Variants in MCOLN2 observed in about 807,000 individuals in gnomAD.
The protein encoded by MCOLN2 is mucolipin-2.
In MCOLN2, 57 loss-of-function variants were observed where a neutral mutation model predicts 67.5. That is an observed-to-expected ratio of 0.84 (90% CI 0.68 to 1.05). The LOEUF (loss-of-function observed/expected upper bound fraction) is 1.05, where lower values mean the gene tolerates loss of function less well. MCOLN2 is among the 50% of genes least tolerant of loss of function. The pLI, the probability that MCOLN2 is intolerant of heterozygous loss-of-function variation, is 0.00. For missense variants in MCOLN2, 620 were observed against 678.8 expected, an observed-to-expected ratio of 0.91 and a Z score of 0.96; for synonymous variants, 246 against 233.3, an observed-to-expected ratio of 1.05 and a Z score of -0.50.
intron 4 of MCOLN2, among the ~76,000 whole-genome samples, chr1:84,955,290 C>A (rs1648725467): frequency 6.6e-6 from 1 of 152,208 alleles, no homozygotes; most frequent in East Asian, 1.9e-4. Context: ...TCTTTATTAG[C>A]AGCATGAGAA....
intron 1 of MCOLN2, among the ~76,000 whole-genome samples, chr1:84,972,865 A>C (rs1035496721): frequency 2.0e-5 from 3 of 152,194 alleles, no homozygotes; most frequent in African/African-American, 7.2e-5. Flanking sequence ...CCTTTGCCCC[A>C]GGAAAATGAA....
chr1:84,965,643 TA>T lies in MCOLN2; in HGVS notation c.142del (p.Tyr48ThrfsTer3). 2 of 1,614,032 alleles carry T rather than the reference TA, an allele frequency of 1.2e-6. No homozygotes were observed. Among genetic ancestry groups the T allele is most frequent in the Non-Finnish European group, 1.7e-6 (2 of 1,179,930 alleles). ...GTATTTTTCACAAGGGCTCATGAAG[TA>T]AAACTTCAGGTCTTCCCTTAGACAT... ...EECLREDLKFYFMSPCEKYRA... is the reference protein window; with the variant it reads ...EECLREDLKFXFMSPCEKYRA... On this transcript the variant is annotated frameshift_variant, in exon 2 of 14. Transcript: ENST00000370608. LOFTEE classifies it high-confidence loss of function.
chr1:84,949,657 T>TA (rs1437486379), intron 6 of MCOLN2, among the ~76,000 whole-genome samples: 1 of 150,506 alleles, frequency 6.6e-6, no homozygotes, highest in East Asian at 2.0e-4. Context: ...AAAATAAAAA[T>TA]AAAAAAATAC....
rs1648530183 is a variant in MCOLN2, at chr1:84,952,322, A to G, written c.668T>C (p.Ile223Thr). The G allele has an allele frequency of 6.2e-7, 1 of 1,613,154 alleles. No individual in the cohort carries two copies. ...GTCAATGCCTTTAAGATGAAAGGAGATTTCAACCTGTAAGAGCCTGAATAA... is the reference window on the plus strand; with the variant it reads ...GTCAATGCCTTTAAGATGAAAGGAGGTTTCAACCTGTAAGAGCCTGAATAA... ...LEFYRLLQVEISFHLKGIDLQ... is the reference protein window; with the variant it reads ...LEFYRLLQVETSFHLKGIDLQ... Residue 223 changes from isoleucine to threonine, a missense_variant, in exon 6 of 14, where the codon ATC becomes ACC. Transcript: ENST00000370608.
rs547534994 is a variant in MCOLN2, at chr1:84,991,985, A to G, written c.77+4811T>C. ...AGTAAGAGCCCAACTTAATAGAGTC[A>G]TGCTGATGACTCTCCCTAAGGAAAA... On this transcript the variant is annotated intron_variant, in intron 1 of 13. Coordinates refer to ENST00000370608, the MANE Select transcript of MCOLN2 (RefSeq NM_153259.4). 6.3e-4 allele frequency among the ~76,000 whole-genome samples: 96 copies of G among 152,324 alleles called. 1 individual carries two copies. Among genetic ancestry groups the G allele is most frequent in the African/African-American group, 2.2e-3 (92 of 41,582 alleles).
At chr1:84,941,413 C>T (rs1647774869) in intron 7 of MCOLN2, among the ~76,000 whole-genome samples, 1 of 152,198 alleles carries the variant, frequency 6.6e-6, no homozygotes, top group South Asian at 2.1e-4. Context: ...AGAAGAATGG[C>T]ATGAAGCCGG....
chr1:84,956,693 GCTCTCAATAGAAC>G (rs552034299), intron 3 of MCOLN2, 109 bp from the exon 4 acceptor site: 7 of 909,066 alleles, frequency 7.7e-6, no homozygotes, highest in Non-Finnish European at 1.1e-5. Flanking sequence ...TTACATCATG[GCTCTCAATAGAAC>G]TTCCCAATTT....
chr1:84,983,940 C>T (rs914934870), intron 1 of MCOLN2, among the ~76,000 whole-genome samples: 3 of 152,148 alleles, frequency 2.0e-5, no homozygotes, highest in African/African-American at 7.2e-5. Context: ...TCCCAAAGTG[C>T]TGGGATTACA....
At chr1:84,967,756 G>C (rs908773589) in intron 1 of MCOLN2, among the ~76,000 whole-genome samples, 2 of 105,482 alleles carry the variant, frequency 1.9e-5, no homozygotes, top group Non-Finnish European at 4.1e-5. Flanking sequence ...AGGGAGGGAA[G>C]GAGAAAAAGG....
At chr1:84,965,296 A>T (rs1483318253) in intron 2 of MCOLN2, among the ~76,000 whole-genome samples, 1 of 152,028 alleles carries the variant, frequency 6.6e-6, no homozygotes, top group Admixed American at 6.6e-5. Context: ...AGATATAGAA[A>T]CCCCTCCCCA....
chr1:84,973,467 G>A (rs912790188), intron 1 of MCOLN2, among the ~76,000 whole-genome samples: 2 of 152,042 alleles, frequency 1.3e-5, no homozygotes, highest in African/African-American at 2.4e-5. Flanking sequence ...AACAGAAGGA[G>A]ATCCTGTCTC....
chr1:84,971,366 T>TA (rs1649671516), intron 1 of MCOLN2, among the ~76,000 whole-genome samples: 1 of 152,140 alleles, frequency 6.6e-6, no homozygotes, highest in African/African-American at 2.4e-5. Flanking sequence ...TTTAAAAATT[T>TA]AAAAATTCTG....
chr1:84,935,581 T>C (rs978374960), intron 11 of MCOLN2, among the ~76,000 whole-genome samples: 1 of 152,228 alleles, frequency 6.6e-6, no homozygotes, highest in African/African-American at 2.4e-5. Flanking sequence ...AATATTTCAA[T>C]ATTTTATACT....
At chr1:84,955,708 G>C (rs559571366) in intron 4 of MCOLN2, among the ~76,000 whole-genome samples, 1 of 152,316 alleles carries the variant, frequency 6.6e-6, no homozygotes, top group South Asian at 2.1e-4. Context: ...ACCACAAGTA[G>C]TGGCTTGGAT....
At chr1:84,989,848 A>G (rs1650796799) in intron 1 of MCOLN2, among the ~76,000 whole-genome samples, 2 of 152,220 alleles carry the variant, frequency 1.3e-5, no homozygotes, top group Non-Finnish European at 2.9e-5. Context: ...ATGAATCTGA[A>G]CAAGCCAGTG....
intron 1 of MCOLN2, among the ~76,000 whole-genome samples, chr1:84,986,543 C>CAAAAAAAAAAAAAAAAAAAAAAAAAAA (rs570093444): frequency 2.0e-5 from 1 of 49,446 alleles, no homozygotes; most frequent in African/African-American, 8.0e-5. Flanking sequence ...AACTCCATCT[C>CAAAAAAAAAAAAAAAAAAAAAAAAAAA]AAAAAAAAAA....
At chr1:84,952,121 A>G in intron 6 of MCOLN2, 122 bp downstream of exon 6, 2 of 649,026 alleles carry the variant, frequency 3.1e-6, no homozygotes, top group Admixed American at 6.0e-5. Context: ...TTGTATCACT[A>G]AATCTGTTTT....
intron 2 of MCOLN2, among the ~76,000 whole-genome samples, chr1:84,961,777 G>A (rs1334269479): frequency 6.6e-6 from 1 of 152,148 alleles, no homozygotes; most frequent in African/African-American, 2.4e-5. Flanking sequence ...ACTTATAAGT[G>A]TAGTCTGGCA....
intron 2 of MCOLN2, among the ~76,000 whole-genome samples, chr1:84,965,231 T>G (rs1466673949): frequency 6.6e-6 from 1 of 152,214 alleles, no homozygotes; most frequent in Non-Finnish European, 1.5e-5. Context: ...TTTGGAAGTA[T>G]ATTTGAATAA....
Sources: gnomAD v4.1 joint callset for allele counts (sites outside exome capture counted in the v4.1 genomes callset) on GRCh38, gnomAD v4.1.1 for gene constraint, MANE v1.5 for transcripts, NCBI Gene and HGNC (gene_info 2026-07-23, HGNC 2026-07-21) for gene names.